NLGN4X: variants seen among roughly 807,000 people sequenced by gnomAD.
NLGN4X encodes the protein neuroligin 4 X-linked.
In NLGN4X, 3 loss-of-function variants were observed where a neutral mutation model predicts 40.3. The ratio of observed to expected loss-of-function variants is 0.07; its 90% confidence interval spans 0.03 to 0.19. The LOEUF is 0.19. NLGN4X is among the 10% of genes least tolerant of loss of function. The pLI is 1.00. For synonymous variants in NLGN4X, 270 were observed against 306.8 expected (o/e 0.88, Z 1.25); for missense variants, 382 against 708.3 (o/e 0.54, Z 5.23).
chrX:5,983,229 C>T (rs759143511), intron 3 of NLGN4X, among the ~76,000 whole-genome samples: 4 of 112,165 alleles, frequency 3.6e-5, no homozygotes, highest in Middle Eastern at 4.7e-3. Flanking sequence ...CCTAGAATTT[C>T]GCTACCCATG....
chrX:6,095,799 A>ACAACG (rs2038761281), intron 2 of NLGN4X, among the ~76,000 whole-genome samples: 3 of 111,829 alleles, frequency 2.7e-5, no homozygotes, highest in Admixed American at 1.9e-4. Context: ...TAAACATCTT[A>ACAACG]CAACGCACAG....
intron 2 of NLGN4X, among the ~76,000 whole-genome samples, chrX:6,042,814 G>A (rs1020956448): frequency 5.1e-5 from 5 of 98,628 alleles, no homozygotes; most frequent in Admixed American, 2.3e-4. Context: ...AGTGGCTCAC[G>A]CCTGTAATCC....
chrX:6,220,683 C>A (rs1467087182), intron 1 of NLGN4X, among the ~76,000 whole-genome samples: 1 of 108,527 alleles, frequency 9.2e-6, no homozygotes, highest in African/African-American at 3.4e-5. Context: ...AATGTCTTCA[C>A]TCCTAAATAA....
intron 2 of NLGN4X, among the ~76,000 whole-genome samples, chrX:6,035,280 G>A (rs866976937): frequency 9.0e-6 from 1 of 111,333 alleles, no homozygotes; most frequent in African/African-American, 3.3e-5. Context: ...GTTCTCAATA[G>A]TGCCTTTTGA....
chrX:6,046,226 T>G (rs1569205796), intron 2 of NLGN4X, among the ~76,000 whole-genome samples: 1 of 111,744 alleles, frequency 8.9e-6, no homozygotes, highest in Non-Finnish European at 1.9e-5. Flanking sequence ...TATCGATACC[T>G]CTTCAAAATA....
At chrX:5,901,367 C>G (rs1343018297) in intron 5 of NLGN4X, among the ~76,000 whole-genome samples, 2 of 111,983 alleles carry the variant, frequency 1.8e-5, no homozygotes, top group African/African-American at 3.2e-5. Context: ...GCACATCTTT[C>G]TCTCTCATTC....
At chrX:5,940,519 G>A (rs750567691) in intron 3 of NLGN4X, among the ~76,000 whole-genome samples, 1 of 109,081 alleles carries the variant, frequency 9.2e-6, no homozygotes, top group Admixed American at 9.8e-5. Context: ...AAGATCTGAT[G>A]CTGCAAAAAT....
At chrX:6,068,310 T>C (rs1208022979) in intron 2 of NLGN4X, among the ~76,000 whole-genome samples, 2 of 111,766 alleles carry the variant, frequency 1.8e-5, no homozygotes, top group Non-Finnish European at 3.8e-5. Flanking sequence ...TGCCAGCTCC[T>C]GACCTGAGAT....
At chrX:6,153,128 G>A (rs1286122897) in intron 1 of NLGN4X, among the ~76,000 whole-genome samples, 2 of 111,898 alleles carry the variant, frequency 1.8e-5, no homozygotes, top group Non-Finnish European at 3.8e-5. Flanking sequence ...AGGATTTTGT[G>A]GGTTATTCAG....
In NLGN4X at chrX:6,126,537, C is replaced by T. The variant is rs983666942; in HGVS notation, c.472+24458G>A. 3.6e-5 allele frequency among the ~76,000 whole-genome samples: 4 copies of T among 111,631 alleles called. No individual in the cohort carries two copies. The Admixed American group carries it at 3.8e-4, about 11-fold the overall frequency. On this transcript the variant is annotated intron_variant, in intron 2 of 5. Coordinates refer to ENST00000381095, the MANE Select transcript of NLGN4X (RefSeq NM_181332.3). ...ATAATCAATGTATAAAAAAGATCGACATTCTTTTATACCAGGAGTAGAAAA... is the reference window on the plus strand; with the variant it reads ...ATAATCAATGTATAAAAAAGATCGATATTCTTTTATACCAGGAGTAGAAAA...
chrX:6,165,840 T>C (rs1358578998), intron 1 of NLGN4X, among the ~76,000 whole-genome samples: 4 of 111,442 alleles, frequency 3.6e-5, no homozygotes, highest in Admixed American at 9.6e-5. Flanking sequence ...TGTGAGTACA[T>C]AGCAGGTGTA....
At chrX:6,007,293 T>C (rs369248492) in intron 3 of NLGN4X, among the ~76,000 whole-genome samples, 2 of 110,645 alleles carry the variant, frequency 1.8e-5, no homozygotes, top group Admixed American at 9.6e-5. Flanking sequence ...GGTAGAATAA[T>C]AGACACTGGA....
chrX:5,987,514 A>G (rs975753607), intron 3 of NLGN4X, among the ~76,000 whole-genome samples: 3 of 112,644 alleles, frequency 2.7e-5, no homozygotes, highest in African/African-American at 9.7e-5. Context: ...GAACACACAG[A>G]ACTTTGGTTT....
At chrX:6,140,205 A>G (rs2039913990) in intron 2 of NLGN4X, among the ~76,000 whole-genome samples, 1 of 111,653 alleles carries the variant, frequency 9.0e-6, no homozygotes, top group Non-Finnish European at 1.9e-5. Context: ...TACCTGCTGC[A>G]TTCTTTCTTT....
chrX:6,173,130 C>T (rs576470037), intron 1 of NLGN4X, among the ~76,000 whole-genome samples: 2 of 112,397 alleles, frequency 1.8e-5, no homozygotes, highest in South Asian at 7.4e-4. Flanking sequence ...AGTTAACTTC[C>T]TCCAAAATAA....
At chrX:6,181,136 T>C (rs1921400369) in intron 1 of NLGN4X, among the ~76,000 whole-genome samples, 1 of 111,040 alleles carries the variant, frequency 9.0e-6, no homozygotes, top group Non-Finnish European at 1.9e-5. Context: ...CTGTGGGGAA[T>C]AAGGATAGTT....
intron 3 of NLGN4X, among the ~76,000 whole-genome samples, chrX:5,968,457 CTGTGTGTGTGTGTGTGTGTGTGTG>C (rs529573810): frequency 6.4e-5 from 3 of 47,017 alleles, no homozygotes; most frequent in Non-Finnish European, 7.2e-5. Context: ...CTCTCTCTCT[CTGTGTGTGTGTGTGTGTGTGTGTG>C]TGTGTGTGTG....
intron 2 of NLGN4X, among the ~76,000 whole-genome samples, chrX:6,030,575 C>T (rs1431941447): frequency 9.1e-6 from 1 of 110,083 alleles, no homozygotes; most frequent in African/African-American, 3.3e-5. Context: ...GAATTACCAT[C>T]GTTTGGATGG....
chrX:6,077,270 TTG>T (rs201491267), intron 2 of NLGN4X, among the ~76,000 whole-genome samples: 87 of 78,112 alleles, frequency 1.1e-3, no homozygotes, highest in South Asian at 7.6e-3. Flanking sequence ...AAATTTTATT[TTG>T]TGTGTGTGTG....
Sources: allele counts gnomAD v4.1 joint callset (sites outside exome capture counted in the v4.1 genomes callset), GRCh38; gene constraint gnomAD v4.1.1; transcripts MANE v1.5; gene names NCBI Gene and HGNC (gene_info 2026-07-23, HGNC 2026-07-21).